PPP2CA: variants seen among roughly 807,000 people sequenced by gnomAD.
PPP2CA encodes protein phosphatase 2 catalytic subunit alpha.
PPP2CA carries 5 observed loss-of-function variants against 38.8 expected under a neutral mutation model. The observed-to-expected ratio is 0.13, with a 90% CI of 0.07 to 0.27. The LOEUF is 0.27. Among genes scored for constraint, PPP2CA ranks in the 10% least tolerant of loss-of-function variants. The pLI is 1.00. For synonymous variants in PPP2CA, 152 were observed against 134.0 expected, an observed-to-expected ratio of 1.13 and a Z score of -0.93; for missense variants, 88 against 389.7, an observed-to-expected ratio of 0.23 and a Z score of 6.52.
Position 134,205,908 on chromosome 5 carries a change from A to G in PPP2CA, c.312+14T>C. On this transcript the variant is annotated intron_variant, in intron 2 of 6. Transcript: ENST00000481195. The stretch of plus-strand genomic sequence containing the variant: ...TACCCATTTCAACATGCCCCAACAT[A>G]AAATTGAAATTACCTTAAGAGCTAC... 1 of 1,605,396 alleles carries G rather than the reference A, an allele frequency of 6.2e-7. No homozygotes were observed. The highest frequency in any genetic ancestry group is 8.5e-7 in the Non-Finnish European group (1 of 1,172,276).
At chr5:134,200,570 A>T in intron 4 of PPP2CA, 74 bp from the exon 5 acceptor site, 1 of 1,520,042 alleles carries the variant, frequency 6.6e-7, no homozygotes, top group Non-Finnish European at 8.9e-7. Flanking sequence ...ATTCATCAGA[A>T]GCAGCACCCT....
chr5:134,201,501 TA>T (rs1761965552), intron 3 of PPP2CA, among the ~76,000 whole-genome samples: 1 of 152,206 alleles, frequency 6.6e-6, no homozygotes, highest in South Asian at 2.1e-4. Context: ...TTCATACTCA[TA>T]AAATTTTATT....
chr5:134,205,840 G>C, intron 2 of PPP2CA, 82 bp downstream of exon 2: 1 of 1,215,230 alleles, frequency 8.2e-7, no homozygotes, highest in Non-Finnish European at 1.2e-6. Flanking sequence ...CATTCAGATA[G>C]AGAAAATAAC....
intron 1 of PPP2CA, among the ~76,000 whole-genome samples, chr5:134,214,263 A>C (rs1762271769): frequency 6.6e-6 from 1 of 152,210 alleles, no homozygotes; most frequent in South Asian, 2.1e-4. Flanking sequence ...TTACCCACAC[A>C]GACCTCTTAC....
At chr5:134,222,751 T>C (rs556571012) in intron 1 of PPP2CA, among the ~76,000 whole-genome samples, 6 of 152,240 alleles carry the variant, frequency 3.9e-5, no homozygotes, top group African/African-American at 7.2e-5. Flanking sequence ...ATGCTGATTA[T>C]AGAACTGAGC....
chr5:134,220,456 C>CAAA (rs10649430), intron 1 of PPP2CA, among the ~76,000 whole-genome samples: 647 of 53,948 alleles, frequency 0.012, 57 homozygotes, highest in African/African-American at 0.032. Flanking sequence ...GACTCTATCT[C>CAAA]AAAAAAAAAA....
chr5:134,209,319 T>C (rs1339870278), intron 1 of PPP2CA, among the ~76,000 whole-genome samples: 1 of 152,126 alleles, frequency 6.6e-6, no homozygotes, highest in Non-Finnish European at 1.5e-5. Context: ...AAGTAGATCT[T>C]AACAAAAATG....
At chr5:134,225,173 G>A (rs759141604) in intron 1 of PPP2CA, among the ~76,000 whole-genome samples, 10 of 152,200 alleles carry the variant, frequency 6.6e-5, no homozygotes, top group Non-Finnish European at 1.2e-4. Context: ...ATTAGGTTAA[G>A]AGAATAATTT....
chr5:134,224,471 A>C, intron 1 of PPP2CA: 1 of 353,012 alleles, frequency 2.8e-6, no homozygotes. Context: ...CAAACTCATG[A>C]ACCTAATTTT....
intron 1 of PPP2CA, among the ~76,000 whole-genome samples, chr5:134,219,251 G>A (rs1003562529): frequency 5.9e-5 from 9 of 152,172 alleles, no homozygotes; most frequent in East Asian, 1.9e-4. Flanking sequence ...CCTTATACAC[G>A]AGAATAAGGT....
chr5:134,199,057 C>G (rs754592824), intron 6 of PPP2CA, 29 bp downstream of exon 6: 2 of 1,520,260 alleles, frequency 1.3e-6, no homozygotes, highest in Non-Finnish European at 1.8e-6. Context: ...TTCAGTAATG[C>G]AAGAAAATGT....
At chr5:134,203,093 G>T (rs1416915192) in intron 2 of PPP2CA, among the ~76,000 whole-genome samples, 2 of 145,930 alleles carry the variant, frequency 1.4e-5, no homozygotes, top group East Asian at 2.0e-4. Context: ...AGCTGTAAAA[G>T]TTTTTTTTTT....
chr5:134,197,890 G>A, intron 6 of PPP2CA, 46 bp from the exon 7 acceptor site: 2 of 1,502,730 alleles, frequency 1.3e-6, no homozygotes, highest in Non-Finnish European at 1.9e-6. Context: ...CGACCTCCAT[G>A]TAGTGACAAT....
rs10491322 is a variant in PPP2CA at position 134,194,449 on chromosome 5, A to G, written c.*3323T>C. On this transcript the variant is annotated 3_prime_UTR_variant, in exon 7 of 7. Transcript: ENST00000481195. Reference sequence around the variant, plus strand: ...ACTAAACTATAGGCCCATTTCTAAGAACACATTTATGGTTGGAAGCAAAGG... The same window carrying G: ...ACTAAACTATAGGCCCATTTCTAAGGACACATTTATGGTTGGAAGCAAAGG... 0.095 allele frequency: 14,514 copies of G among 152,288 alleles called. 795 individuals carry two copies. Among genetic ancestry groups the G allele is most frequent in the Admixed American group, 0.15 (2,343 of 15,304 alleles). 9.4% of individuals were successfully genotyped at this position (152,288 alleles called of 1,614,324 possible). A position where few individuals can be genotyped will look rare whatever the true frequency, so the allele number is the denominator to read the frequency against.
At position 134,225,917 on chromosome 5, in the gene PPP2CA, C is replaced by G. The variant is rs1441011027; in HGVS notation, c.-56G>C. 1.2e-5 allele frequency: 18 copies of G among 1,521,424 alleles called. No homozygotes were observed. The highest frequency in any genetic ancestry group is 1.3e-5 in the Non-Finnish European group (15 of 1,111,306). The allele number at this position is 1,521,424 out of a possible 1,614,324, so 94.2% of individuals were successfully genotyped here. ...CGCGCTGCTCCCGCGCCGCCGCCCG[C>G]ACACGGGCCTACACGCACACGCCGC... On this transcript the variant is annotated 5_prime_UTR_variant, in exon 1 of 7. Coordinates refer to ENST00000481195, the MANE Select transcript of PPP2CA (RefSeq NM_002715.4).
intron 2 of PPP2CA, among the ~76,000 whole-genome samples, chr5:134,203,108 A>G (rs1257120074): frequency 2.6e-5 from 4 of 151,906 alleles, no homozygotes; most frequent in African/African-American, 9.7e-5. Flanking sequence ...TTTTTTTTAA[A>G]TATCTGAATA....
Position 134,213,064 on chromosome 5 carries a change from G to C in PPP2CA, c.103-6933C>G, listed in dbSNP as rs915429994. Among the ~76,000 whole-genome samples the C allele has an allele frequency of 5.3e-5, 8 of 152,230 alleles. 1 individual carries two copies. Among genetic ancestry groups the C allele is most frequent in the Non-Finnish European group, 1.5e-5 (1 of 68,042 alleles). ...CCCAGACGATCTACCTAAGATAAGT[G>C]ATGAAGGTGGTTGCACTAAACAACA... On this transcript the variant is annotated intron_variant, in intron 1 of 6. Coordinates refer to ENST00000481195, the MANE Select transcript of PPP2CA (RefSeq NM_002715.4).
At position 134,226,051 on chromosome 5, in the gene PPP2CA, G is replaced by C. The variant is rs1023741604; in HGVS notation, c.-190C>G. ...CTGCGCCTCCTCCTCCGCTCGCTGA[G>C]GCTCCAGAGCTCGGCTCTCTGTAAT... On this transcript the variant is annotated 5_prime_UTR_variant, in exon 1 of 7. Coordinates refer to ENST00000481195, the MANE Select transcript of PPP2CA (RefSeq NM_002715.4). 1.9e-6 allele frequency: 1 copy of C among 524,958 alleles called. No homozygotes were observed. The highest frequency in any genetic ancestry group is 2.0e-5 in the African/African-American group (1 of 48,818). The allele number at this position is 524,958 out of a possible 1,614,324, so 32.5% of individuals were successfully genotyped here. A position where few individuals can be genotyped will look rare whatever the true frequency, so the allele number is the denominator to read the frequency against.
chr5:134,199,378 G>T (rs1326431120), intron 5 of PPP2CA, 174 bp from the exon 6 acceptor site: 2 of 480,644 alleles, frequency 4.2e-6, no homozygotes, highest in Non-Finnish European at 7.5e-6. Context: ...TATACAACCT[G>T]TAAGGTACAC....
Sources: allele counts gnomAD v4.1 joint callset (sites outside exome capture counted in the v4.1 genomes callset), GRCh38; gene constraint gnomAD v4.1.1; transcripts MANE v1.5; gene names NCBI Gene and HGNC (gene_info 2026-07-23, HGNC 2026-07-21).